The following GOLGA2 variants were observed in gnomAD, a reference collection of about 807,000 sequenced individuals.
The protein encoded by GOLGA2 is golgin A2.
Under a neutral mutation model 148.8 loss-of-function variants are expected in GOLGA2, and 49 were observed. The observed-to-expected ratio is 0.33, with a 90% CI of 0.26 to 0.42. The LOEUF (loss-of-function observed/expected upper bound fraction) is 0.42. Among genes scored for constraint, GOLGA2 ranks in the 10% least tolerant of loss-of-function variants. GOLGA2 has a pLI of 1.00. For missense variants in GOLGA2, 1,178 were observed against 1,304.6 expected (o/e 0.90, Z 1.49); for synonymous variants, 501 against 511.8 (o/e 0.98, Z 0.28).
At chr9:128,273,731 G>A (rs1394773117) in intron 2 of GOLGA2, 119 bp downstream of exon 2, 2 of 1,276,594 alleles carry the variant, frequency 1.6e-6, no homozygotes, top group Non-Finnish European at 1.1e-6. Context: ...AGATGGACAG[G>A]TAGGATACAA....
Position 128,256,963 on chromosome 9 carries a change from G to GCTA in GOLGA2, c.*101_*103dup. On this transcript the variant is annotated 3_prime_UTR_variant, in exon 27 of 27. Transcript: ENST00000611957. ...CCCCGTTAGACAGGGGTCTATGCTT[G>GCTA]CTACTGTAAGGGTAAAGGGTTGACT... 1.2e-6 allele frequency: 1 copy of GCTA among 841,144 alleles called. No individual in the cohort carries two copies. Among genetic ancestry groups the GCTA allele is most frequent in the South Asian group, 1.6e-5 (1 of 61,814 alleles). The allele number at this position is 841,144 out of a possible 1,614,324, so 52.1% of individuals were successfully genotyped here.
Position 128,257,719 on chromosome 9 carries a change from C to G in GOLGA2, c.2612-12G>C, listed in dbSNP as rs750254218. 1.2e-6 allele frequency: 2 copies of G among 1,613,226 alleles called. No individual in the cohort carries two copies. Among genetic ancestry groups the G allele is most frequent in the South Asian group, 2.2e-5 (2 of 91,070 alleles). On this transcript the variant is annotated splice_polypyrimidine_tract_variant and intron_variant, in intron 24 of 26. Transcript: ENST00000611957. This position sits in a 1 kb window ranked among gnomAD's most constrained non-coding sequence, Gnocchi z 8.0. ...TGCAATGTACTCTCCTGCGGGAGGA[C>G]AGGGCTCAGATGCTGGGTTCCCTCC...
At chr9:128,263,938 C>T (rs1448799223) in intron 12 of GOLGA2, among the ~76,000 whole-genome samples, 7 of 148,760 alleles carry the variant, frequency 4.7e-5, no homozygotes, top group Admixed American at 3.3e-4. Context: ...GGACGGATTA[C>T]GAGATCAGGG....
At chr9:128,275,304 G>T in intron 1 of GOLGA2, 1 of 825,146 alleles carries the variant, frequency 1.2e-6, no homozygotes, top group Non-Finnish European at 1.7e-6. Context: ...TAAGATCAAA[G>T]ACTGGTCTCG....
Position 128,260,989 on chromosome 9 carries a change from T to C in GOLGA2, c.1420+183A>G. 1.5e-6 allele frequency: 1 copy of C among 665,798 alleles called. No individual in the cohort carries two copies. 41.2% of individuals were successfully genotyped at this position (665,798 alleles called of 1,614,324 possible). ...GTGGGTGGCTGACAACGGGCACTCC[T>C]TCGTCTTTGCTGATGGGGCACTGAG... On this transcript the variant is annotated intron_variant, in intron 17 of 26. Transcript: ENST00000611957. This position sits in a 1 kb window ranked among gnomAD's most constrained non-coding sequence, Gnocchi z 4.8.
At chr9:128,262,803 G>T in intron 13 of GOLGA2, 99 bp from the exon 14 acceptor site, 2 of 1,152,730 alleles carry the variant, frequency 1.7e-6, no homozygotes, top group South Asian at 1.4e-5. Context: ...CAGAACTGTG[G>T]CACTGGAAGG....
chr9:128,267,895 T>G, intron 6 of GOLGA2, 39 bp downstream of exon 6: 4 of 1,468,118 alleles, frequency 2.7e-6, no homozygotes, highest in Non-Finnish European at 3.8e-6. Context: ...CATAGTTCCC[T>G]TCCCCCCACC....
chr9:128,259,900 C>A (rs1830143325), intron 19 of GOLGA2, among the ~76,000 whole-genome samples, 176 bp downstream of exon 19: 1 of 152,104 alleles, frequency 6.6e-6, no homozygotes, highest in Admixed American at 6.5e-5. Flanking sequence ...TGAGAGGAGC[C>A]CAAAGCTATC....
rs1318687580 is a variant in GOLGA2, at chr9:128,271,430, TG to T, written c.288+1354del. ...CTATTCGTGCCCTGCTCCTCTGGCT[TG>T]GCAGGAAGGAGTCCCCCAGGTGAGT... On this transcript the variant is annotated intron_variant, in intron 3 of 26. Coordinates refer to ENST00000611957, the MANE Select transcript of GOLGA2 (RefSeq NM_001366244.2). The surrounding 1 kb of genome is among the most constrained non-coding windows in gnomAD (Gnocchi z 4.4). 6.6e-6 allele frequency among the ~76,000 whole-genome samples: 1 copy of T among 152,212 alleles called. No homozygotes were observed. Among genetic ancestry groups the T allele is most frequent in the Non-Finnish European group, 1.5e-5 (1 of 68,036 alleles).
Position 128,259,270 on chromosome 9 carries a change from T to C in GOLGA2, c.1994A>G (p.Asn665Ser). ...QLTSEKEVLHNQLLLQTQLVD... is the reference protein window; with the variant it reads ...QLTSEKEVLHSQLLLQTQLVD... ...GAGCTGGGTCTGCAGCAGTAGCTGA[T>C]TATGCAGCACCTCCTTCTCAGAGGT... Residue 665 changes from asparagine (N) to serine (S), a missense_variant, in exon 20 of 27, where the codon AAT becomes AGT. By Grantham distance (46) the Asn-to-Ser change is conservative. This residue lies in a region of GOLGA2 where 529 missense variants were observed against 521.8 expected (regional missense o/e 1.01). Transcript: ENST00000611957. 2 of 1,611,572 alleles carry C rather than the reference T, an allele frequency of 1.2e-6. No homozygotes were observed. Among genetic ancestry groups the C allele is most frequent in the Non-Finnish European group, 1.7e-6 (2 of 1,179,172 alleles).
At position 128,262,669 on chromosome 9, in the gene GOLGA2, T is replaced by G; in HGVS notation, c.1028A>C (p.Glu343Ala). The stretch of plus-strand genomic sequence containing the variant: ...TAGGACCCGAAGCTTCTCTTCCAAT[T>G]CTGATTTCTCTTGCTTCAGGTCCTC... ...SNEDLKQEKSELEEKLRVLVT... is the reference protein window; with the variant it reads ...SNEDLKQEKSALEEKLRVLVT... Residue 343 changes from glutamate to alanine, a missense_variant, in exon 14 of 27, where the codon GAA becomes GCA. Glu to Ala is a moderately radical substitution (Grantham distance 107). This residue lies in a region of GOLGA2 where 304 missense variants were observed against 404.1 expected (regional missense o/e 0.75). Transcript: ENST00000611957. 6.2e-7 allele frequency: 1 copy of G among 1,613,762 alleles called. No individual in the cohort carries two copies. The highest frequency in any genetic ancestry group is 1.1e-5 in the South Asian group (1 of 91,072).
intron 1 of GOLGA2, among the ~76,000 whole-genome samples, chr9:128,275,061 G>C (rs2131400332): frequency 1.3e-5 from 2 of 152,212 alleles, no homozygotes; most frequent in East Asian, 3.9e-4. Flanking sequence ...GAAGCCTGGG[G>C]GAAAACCAAA....
Position 128,275,922 on chromosome 9 carries a change from G to C in GOLGA2, c.55C>G (p.Gln19Glu), listed in dbSNP as rs1831329174. 3 of 1,591,026 alleles carry C rather than the reference G, an allele frequency of 1.9e-6. No individual in the cohort carries two copies. The highest frequency in any genetic ancestry group is 2.6e-6 in the Non-Finnish European group (3 of 1,169,500). Reference sequence around the variant, plus strand: ...TTCTTCGCTGCGGCCAATTTGCTCTGTCGGGTTTCTTCCGACATCGCGGGG... The same window carrying C: ...TTCTTCGCTGCGGCCAATTTGCTCTCTCGGGTTTCTTCCGACATCGCGGGG... ...PRPAMSEETR[Q>E]SKLAAAKKKL... is the part of the protein sequence containing the mutation. Residue 19 changes from glutamine (Q) to glutamate (E), a missense_variant, in exon 1 of 27, where the codon CAG (glutamine) becomes GAG (glutamate). This residue lies in a region of GOLGA2 where 158 missense variants were observed against 156.6 expected (regional missense o/e 1.01). Coordinates refer to ENST00000611957, the MANE Select transcript of GOLGA2 (RefSeq NM_001366244.2).
intron 19 of GOLGA2, among the ~76,000 whole-genome samples, chr9:128,259,593 G>A (rs752302037): frequency 6.6e-6 from 1 of 152,266 alleles, no homozygotes; most frequent in East Asian, 1.9e-4. Context: ...CATTTAAACC[G>A]TAGGCCACAG....
rs373308814 is a variant in GOLGA2, at chr9:128,257,155, C to T, written c.3002G>A (p.Arg1001Gln). The change falls in exon 27 of 27, where the codon CGG becomes CAG. Residue 1001 changes from arginine (R) to glutamine (Q), a missense_variant. By Grantham distance (43) the Arg-to-Gln change is conservative. Transcript: ENST00000611957. This position sits in a 1 kb window ranked among gnomAD's most constrained non-coding sequence, Gnocchi z 8.0. ...MQLLREMQNP[R>Q]ERPGLGSNPC... The stretch of plus-strand genomic sequence containing the variant: ...GTTGCTGCCCAAGCCTGGGCGCTCC[C>T]GGGGGTTCTGCATCTCACGAAGCAG... 11 of 1,613,992 alleles carry T rather than the reference C, an allele frequency of 6.8e-6. No homozygotes were observed. The highest frequency in any genetic ancestry group is 1.6e-4 in the Middle Eastern group (1 of 6,064).
chr9:128,267,432 C>G, intron 7 of GOLGA2, 26 bp downstream of exon 7: 10 of 1,601,708 alleles, frequency 6.2e-6, no homozygotes, highest in Non-Finnish European at 8.6e-6. Flanking sequence ...TGCAGGGTCA[C>G]TGGGCCACGG....
Position 128,265,585 on chromosome 9 carries a change from C to T in GOLGA2, c.933G>A (p.Arg311=). Residue 311 remains arginine (R), a splice_region_variant and synonymous_variant, in exon 12 of 27, where the codon AGG becomes AGA. Transcript: ENST00000611957. ...AVSTQQKKAD[R]YNKELTKERD... ...GGACGGGGCAGGCAGTTGGACTCAC[C>T]CTGTCTGCCTTCTTCTGCTGCGTGG... 1 of 1,603,954 alleles carries T rather than the reference C, an allele frequency of 6.2e-7. No individual in the cohort carries two copies. Among genetic ancestry groups the T allele is most frequent in the Non-Finnish European group, 8.5e-7 (1 of 1,171,036 alleles).
Position 128,257,362 on chromosome 9 carries a change from T to TACGAGGG in GOLGA2, c.2875+6_2875+7insCCCTCGT. 1 of 1,613,110 alleles carries TACGAGGG rather than the reference T, an allele frequency of 6.2e-7. No individual in the cohort carries two copies. Among genetic ancestry groups the TACGAGGG allele is most frequent in the Non-Finnish European group, 8.5e-7 (1 of 1,179,958 alleles). On this transcript the variant is annotated splice_region_variant and intron_variant, in intron 26 of 26. Transcript: ENST00000611957. This position sits in a 1 kb window ranked among gnomAD's most constrained non-coding sequence, Gnocchi z 8.0. ...GCCTGCCCACCCCTCCCGAGGGCTC[T>TACGAGGG]ACTCACCACCCTGCTGGTTGGCAGC...
chr9:128,269,163 G>A (rs1383953379), intron 3 of GOLGA2, among the ~76,000 whole-genome samples: 2 of 152,082 alleles, frequency 1.3e-5, no homozygotes, highest in African/African-American at 4.8e-5. Context: ...ATCTTGCCCA[G>A]GCTGGTCTCA....
Sources: gnomAD v4.1 joint callset for allele counts (sites outside exome capture counted in the v4.1 genomes callset) on GRCh38, gnomAD v4.1.1 for gene constraint, gnomAD v4.1.1 regional missense constraint, Gnocchi (gnomAD v3.1) non-coding constraint, MANE v1.5 for transcripts, NCBI Gene and HGNC (gene_info 2026-07-23, HGNC 2026-07-21) for gene names.